CCDC88B: variants seen among roughly 807,000 people sequenced by gnomAD.
CCDC88B encodes the protein coiled-coil domain-containing protein 88B.
CCDC88B carries 138 observed loss-of-function variants against 183.7 expected under a neutral mutation model. The observed-to-expected ratio is 0.75, with a 90% CI of 0.65 to 0.87. The LOEUF is 0.87. CCDC88B is among the 40% of genes least tolerant of loss of function. The pLI is 0.00. For missense variants in CCDC88B, 1,822 were observed against 1,965.6 expected, an observed-to-expected ratio of 0.93 and a Z score of 1.38; for synonymous variants, 835 against 867.5, an observed-to-expected ratio of 0.96 and a Z score of 0.66.
chr11:64,350,350 T>C (rs2036279753), intron 16 of CCDC88B: 1 of 152,402 alleles, frequency 6.6e-6, no homozygotes, highest in Admixed American at 6.5e-5. Flanking sequence ...ATGACCAATA[T>C]GGTGAAACCC....
At chr11:64,343,135 C>T in intron 10 of CCDC88B, 44 bp from the exon 11 acceptor site, 1 of 1,491,634 alleles carries the variant, frequency 6.7e-7, no homozygotes, top group Non-Finnish European at 8.9e-7. Context: ...CGCTGGAGTG[C>T]ATGGGGGCTG....
At position 64,344,157 on chromosome 11, in the gene CCDC88B, C is replaced by T. The variant is rs1159524216; in HGVS notation, c.1616C>T (p.Ser539Leu). The T allele has an allele frequency of 1.9e-6, 3 of 1,613,220 alleles. No individual in the cohort carries two copies. Among genetic ancestry groups the T allele is most frequent in the Non-Finnish European group, 2.5e-6 (3 of 1,179,794 alleles). ...ALDLAPPALD[S>L]VLEASAECPQ... ...GACTTGGCTCCCCCGGCATTAGACTCAGTGCTCGAGGCATCAGCTGAGTGT... is the reference window on the plus strand; with the variant it reads ...GACTTGGCTCCCCCGGCATTAGACTTAGTGCTCGAGGCATCAGCTGAGTGT... The change falls in exon 14 of 27, where the codon TCA (serine) becomes TTA (leucine). Residue 539 changes from serine (S) to leucine (L), a missense_variant. Transcript: ENST00000356786. This position sits in a 1 kb window ranked among gnomAD's most constrained non-coding sequence, Gnocchi z 4.5.
intron 13 of CCDC88B, 30 bp downstream of exon 13, chr11:64,343,944 G>A (rs1359256734): frequency 6.3e-7 from 1 of 1,575,210 alleles, no homozygotes; most frequent in Non-Finnish European, 8.6e-7. Context: ...GTCCTGGCCG[G>A]CCCTTCCCCT....
At position 64,353,259 on chromosome 11, in the gene CCDC88B, T is replaced by A. The variant is rs374586586; in HGVS notation, c.3687+19T>A. On this transcript the variant is annotated intron_variant, in intron 21 of 26. Transcript: ENST00000356786. ...GTGTGAGGTGTGGCTGGAGGGCCGG[T>A]GGGGGTATGGGCGTGTGGTGGGGCA... The A allele has an allele frequency of 3.7e-4, 580 of 1,556,402 alleles. No homozygotes were observed. The highest frequency in any genetic ancestry group is 4.6e-4 in the Non-Finnish European group (533 of 1,150,214).
chr11:64,341,566 G>A (rs2035854765), intron 6 of CCDC88B, 33 bp from the exon 7 acceptor site: 2 of 1,608,272 alleles, frequency 1.2e-6, no homozygotes, highest in African/African-American at 1.3e-5. Flanking sequence ...GCCACACCGC[G>A]GCTTCCACTG....
Position 64,355,281 on chromosome 11 carries a change from T to A in CCDC88B, c.4187T>A (p.Leu1396His). 1 of 1,586,544 alleles carries A rather than the reference T, an allele frequency of 6.3e-7. No homozygotes were observed. The change falls in exon 25 of 27, where the codon CTC becomes CAC. Residue 1396 changes from leucine (L) to histidine (H), a missense_variant. Leu to His is a moderately conservative substitution (Grantham distance 99, BLOSUM62 -3). Transcript: ENST00000356786. ...ETLAGGQRRK[L>H]SSRFPVGRSS... ...TTGGCAGGCGGGCAGCGGCGGAAAC[T>A]CAGCTCAAGGTTCCCGGTGGGGCGA...
Position 64,352,738 on chromosome 11 carries a change from TC to T in CCDC88B, c.3357-3del. The T allele has an allele frequency of 6.2e-7, 1 of 1,613,370 alleles. No homozygotes were observed. The highest frequency in any genetic ancestry group is 8.5e-7 in the Non-Finnish European group (1 of 1,179,986). ...CACAGCCCTCTTAGCCCCTTGTCCA[TC>T]CCAGGCACGAGCAGCTGCAGGCCCA... is the stretch of plus-strand genomic sequence containing the variant. On this transcript the variant is annotated splice_region_variant and splice_polypyrimidine_tract_variant and intron_variant, in intron 19 of 26. Coordinates refer to ENST00000356786, the MANE Select transcript of CCDC88B (RefSeq NM_032251.6).
intron 1 of CCDC88B, 100 bp downstream of exon 1, chr11:64,340,426 G>C: frequency 1.5e-6 from 2 of 1,309,816 alleles, no homozygotes; most frequent in Non-Finnish European, 2.0e-6. Context: ...AACCAGGCCG[G>C]AGGGGAGGGC....
intron 7 of CCDC88B, 70 bp from the exon 8 acceptor site, chr11:64,341,924 G>A (rs758236358): frequency 5.2e-5 from 77 of 1,494,610 alleles, no homozygotes; most frequent in Non-Finnish European, 6.6e-5. Flanking sequence ...CATGTCTGGT[G>A]TTGTGGTTGG....
chr11:64,344,431 C>A lies in CCDC88B; in HGVS notation c.1890C>A (p.Pro630=). ...LGGETEGREA[P]QGELVPEAWG... ...GAGAGACAGAGGGAAGAGAGGCTCC[C>A]CAAGGCGAGTTGGTGCCTGAGGCCT... The change falls in exon 14 of 27, where the codon CCC becomes CCA. Residue 630 remains proline, a synonymous_variant. Transcript: ENST00000356786. This position sits in a 1 kb window ranked among gnomAD's most constrained non-coding sequence, Gnocchi z 4.5. 1 of 1,591,662 alleles carries A rather than the reference C, an allele frequency of 6.3e-7. No homozygotes were observed. The highest frequency in any genetic ancestry group is 8.6e-7 in the Non-Finnish European group (1 of 1,169,370).
At chr11:64,343,156 G>T (rs1378466269) in intron 10 of CCDC88B, 23 bp from the exon 11 acceptor site, 7 of 1,513,304 alleles carry the variant, frequency 4.6e-6, no homozygotes, top group Non-Finnish European at 4.4e-6. Flanking sequence ...CGTGGCTACC[G>T]GTTCTCCCTG....
intron 18 of CCDC88B, 26 bp from the exon 19 acceptor site, chr11:64,352,104 G>T: frequency 6.6e-7 from 1 of 1,517,670 alleles, no homozygotes; most frequent in Non-Finnish European, 8.8e-7. Context: ...CTCCCCAGCA[G>T]CCCCTGCTTC....
rs759605050 is a variant in CCDC88B, at chr11:64,352,862, C to T, written c.3475C>T (p.Arg1159Trp). ...GCAGCGGGGCCTGGAGGAGGAGCTG[C>T]GGAGGCTTCAGAGCGAGCACGACAG... ...HRQRGLEEEL[R>W]RLQSEHDRAQ... The change falls in exon 20 of 27, where the codon CGG becomes TGG. Residue 1159 changes from arginine (R) to tryptophan (W), a missense_variant. Transcript: ENST00000356786. 16 of 1,606,136 alleles carry T rather than the reference C, an allele frequency of 1.0e-5. No homozygotes were observed. The highest frequency in any genetic ancestry group is 5.3e-5 in the African/African-American group (4 of 74,830).
Position 64,354,069 on chromosome 11 carries a change from CT to C in CCDC88B, c.3999del (p.Leu1336CysfsTer273), listed in dbSNP as rs1320856257. The part of the protein sequence containing the change: ...LMRPRREGGP[P>X]GGLRLGADGA... ...CGGCCCCGGCGGGAGGGGGGCCCCC[CT>C]GGGGGGCTGCGCCTGGGGGCCGATG... On this transcript the variant is annotated frameshift_variant, in exon 24 of 27. Transcript: ENST00000356786. LOFTEE classifies it high-confidence loss of function. 16 of 1,443,352 alleles carry C rather than the reference CT, an allele frequency of 1.1e-5. No individual in the cohort carries two copies. The highest frequency in any genetic ancestry group is 1.4e-5 in the African/African-American group (1 of 70,348). The allele number at this position is 1,443,352 out of a possible 1,614,324, so 89.4% of individuals were successfully genotyped here. A position where few individuals can be genotyped will look rare whatever the true frequency, so the allele number is the denominator to read the frequency against.
At chr11:64,347,363 C>T (rs1411519079) in intron 14 of CCDC88B, among the ~76,000 whole-genome samples, 5 of 152,200 alleles carry the variant, frequency 3.3e-5, no homozygotes, top group Admixed American at 1.3e-4. Flanking sequence ...GGCCAATGGG[C>T]CCCAGTGCTA....
In CCDC88B at chr11:64,353,734, C is replaced by T. The variant is rs368905853; in HGVS notation, c.3853C>T (p.Arg1285Cys). Residue 1285 changes from arginine to cysteine, a missense_variant, in exon 23 of 27, where the codon CGC becomes TGC. Transcript: ENST00000356786. ...REYLDQLNAL[R>C]REKQKLVEKI... Reference sequence around the variant, plus strand: ...TGCCAGGGACCAGCTTAATGCCCTGCGCCGCGAGAAGCAGAAGCTCGTGGA... The same window carrying T: ...TGCCAGGGACCAGCTTAATGCCCTGTGCCGCGAGAAGCAGAAGCTCGTGGA... 1.2e-5 allele frequency: 19 copies of T among 1,614,068 alleles called. No homozygotes were observed. Among genetic ancestry groups the T allele is most frequent in the East Asian group, 2.2e-5 (1 of 44,888 alleles).
In CCDC88B at chr11:64,352,280, C is replaced by G. The variant is rs755326104; in HGVS notation, c.3250C>G (p.Leu1084Val). 6.3e-7 allele frequency: 1 copy of G among 1,586,750 alleles called. No homozygotes were observed. The highest frequency in any genetic ancestry group is 8.6e-7 in the Non-Finnish European group (1 of 1,167,132). ...LLRDHKALAQ[L>V]QRRQEAELEG... is the part of the protein sequence containing the mutation. ...TCGGGACCACAAGGCCCTGGCACAG[C>G]TGCAGCGGCGGCAGGAGGCCGAGCT... The change falls in exon 19 of 27, where the codon CTG (leucine) becomes GTG (valine). Residue 1084 changes from leucine (L) to valine (V), a missense_variant. Transcript: ENST00000356786.
chr11:64,342,381 C>T lies in CCDC88B; in HGVS notation c.903+6C>T, dbSNP rs2135304432. On this transcript the variant is annotated splice_donor_region_variant and intron_variant, in intron 9 of 26. Transcript: ENST00000356786. ...TAAGAAGGCTCCGCCAGGAGGTGCG[C>T]TCACATGCTCCCCGCCACCGCGGCA... 1 of 1,573,504 alleles carries T rather than the reference C, an allele frequency of 6.4e-7. No individual in the cohort carries two copies. The highest frequency in any genetic ancestry group is 8.6e-7 in the Non-Finnish European group (1 of 1,160,220).
chr11:64,348,334 G>A (rs556697195), intron 14 of CCDC88B, among the ~76,000 whole-genome samples: 2 of 151,776 alleles, frequency 1.3e-5, no homozygotes, highest in African/African-American at 4.8e-5. Context: ...GGGAACCAGG[G>A]GGTCTCAGGT....
Sources: allele counts gnomAD v4.1 joint callset (sites outside exome capture counted in the v4.1 genomes callset), GRCh38; gene constraint gnomAD v4.1.1; non-coding constraint Gnocchi (gnomAD v3.1); transcripts MANE v1.5; gene names NCBI Gene and HGNC (gene_info 2026-07-23, HGNC 2026-07-21).